CALCRL: variants seen among roughly 807,000 people sequenced by gnomAD.
CALCRL encodes the protein calcitonin gene-related peptide type 1 receptor.
Under a neutral mutation model 60.4 loss-of-function variants are expected in CALCRL, and 27 were observed. The ratio of observed to expected loss-of-function variants is 0.45; its 90% CI spans 0.33 to 0.62. The LOEUF (loss-of-function observed/expected upper bound fraction) is 0.62. CALCRL is among the 20% of genes least tolerant of loss of function. The pLI is 0.03. For synonymous variants in CALCRL, 190 were observed against 182.6 expected (o/e 1.04, Z -0.33); for missense variants, 424 against 540.7 (o/e 0.78, Z 2.14).
intron 1 of CALCRL, among the ~76,000 whole-genome samples, chr2:187,447,823 T>C (rs1691262447): frequency 6.6e-6 from 1 of 152,080 alleles, no homozygotes. Flanking sequence ...CTAAATTTAT[T>C]TTCTAGAATA....
chr2:187,382,521 T>C (rs1297273521), intron 5 of CALCRL, among the ~76,000 whole-genome samples: 1 of 152,198 alleles, frequency 6.6e-6, no homozygotes, highest in African/African-American at 2.4e-5. Context: ...GAGTTTTACA[T>C]TTGATATTTT....
At chr2:187,390,863 T>G (rs1353968802) in intron 1 of CALCRL, among the ~76,000 whole-genome samples, 1 of 152,126 alleles carries the variant, frequency 6.6e-6, no homozygotes, top group East Asian at 1.9e-4. Flanking sequence ...AAACACATAA[T>G]GGGCACCTGT....
chr2:187,417,640 T>C (rs553716522), intron 1 of CALCRL, among the ~76,000 whole-genome samples: 6 of 152,132 alleles, frequency 3.9e-5, no homozygotes, highest in Non-Finnish European at 8.8e-5. Context: ...GTAATATTTG[T>C]GGTAAAATAT....
chr2:187,351,910 A>G lies in CALCRL; in HGVS notation c.1170+10T>C, dbSNP rs1198936579. 2 of 1,523,556 alleles carry G rather than the reference A, an allele frequency of 1.3e-6. No individual in the cohort carries two copies. Among genetic ancestry groups the G allele is most frequent in the South Asian group, 1.2e-5 (1 of 86,872 alleles). The allele number at this position is 1,523,556 out of a possible 1,614,324, so 94.4% of individuals were successfully genotyped here. ...TAAAATAATAGAAGGAATAAAATCA[A>G]TTATCATACCTCTCCATTAAAGAAG... On this transcript the variant is annotated intron_variant, in intron 14 of 14. Coordinates refer to ENST00000392370, the MANE Select transcript of CALCRL (RefSeq NM_005795.6).
intron 1 of CALCRL, among the ~76,000 whole-genome samples, chr2:187,423,375 T>TA (rs1437828278): frequency 2.0e-5 from 3 of 151,788 alleles, no homozygotes; most frequent in Non-Finnish European, 4.4e-5. Flanking sequence ...TTTTTTTTTT[T>TA]ACCAACTGTA....
chr2:187,342,559 A>G lies in CALCRL; in HGVS notation c.*3625T>C, dbSNP rs1686128993. ...TAAACTAGCAATATTTTTAATCAAG[A>G]ATATTCTTTCTTTGAGATTAGTATA... On this transcript the variant is annotated 3_prime_UTR_variant, in exon 15 of 15. Transcript: ENST00000392370. 6.6e-6 allele frequency among the ~76,000 whole-genome samples: 1 copy of G among 151,620 alleles called. No homozygotes were observed. The highest frequency in any genetic ancestry group is 1.5e-5 in the Non-Finnish European group (1 of 67,636).
chr2:187,385,744 T>G (rs1688179107), intron 3 of CALCRL, 113 bp from the exon 4 acceptor site: 3 of 650,092 alleles, frequency 4.6e-6, no homozygotes, highest in Admixed American at 6.5e-5. Context: ...AATTTTACTT[T>G]AAAGATTTGA....
intron 1 of CALCRL, chr2:187,442,086 A>G (rs1042956028): frequency 9.6e-6 from 1 of 103,836 alleles, no homozygotes; most frequent in Non-Finnish European, 2.0e-5. Flanking sequence ...ATATATATAT[A>G]TATATATATA....
rs1437340737 is a variant in CALCRL at position 187,442,127 on chromosome 2, TACATACATACACACAC to T, written c.-293+5896_-293+5911del. 6 of 146,646 alleles carry T rather than the reference TACATACATACACACAC, an allele frequency of 4.1e-5. No homozygotes were observed. The East Asian group carries it at 1.2e-3, about 29-fold the overall frequency. The allele number at this position is 146,646 out of a possible 1,614,324, so 9.1% of individuals were successfully genotyped here. A position where few individuals can be genotyped will look rare whatever the true frequency, so the allele number is the denominator to read the frequency against. The stretch of plus-strand genomic sequence containing the variant: ...ATATACATACACACACATATACATA[TACATACATACACACAC>T]ACATACATACACACACATATATACG... On this transcript the variant is annotated intron_variant, in intron 1 of 14. Coordinates refer to ENST00000392370, the MANE Select transcript of CALCRL (RefSeq NM_005795.6).
chr2:187,343,481 G>A lies in CALCRL; in HGVS notation c.*2703C>T, dbSNP rs915614706. On this transcript the variant is annotated 3_prime_UTR_variant, in exon 15 of 15. Transcript: ENST00000392370. The stretch of plus-strand genomic sequence containing the variant: ...AGTTCACATTTAAAAAAAATTATAA[G>A]CAATAAATACAGCACTACAGCCACC... 1 of 151,618 alleles carries A rather than the reference G, an allele frequency of 6.6e-6. No homozygotes were observed. Among genetic ancestry groups the A allele is most frequent in the African/African-American group, 2.4e-5 (1 of 41,314 alleles). 9.4% of individuals were successfully genotyped at this position (151,618 alleles called of 1,614,324 possible).
intron 1 of CALCRL, chr2:187,431,491 C>G (rs940468020): frequency 1.3e-5 from 2 of 154,644 alleles, no homozygotes; most frequent in Non-Finnish European, 2.9e-5. Context: ...ATATATATTT[C>G]AAATGATACT....
intron 14 of CALCRL, among the ~76,000 whole-genome samples, chr2:187,351,002 T>TTACCAGCTTTCAAAA (rs1252549640): frequency 8.4e-5 from 3 of 35,910 alleles, no homozygotes; most frequent in African/African-American, 1.4e-4. Context: ...AAGAAATATG[T>TTACCAGCTTTCAAAA]TGGCTGGGCG....
intron 1 of CALCRL, among the ~76,000 whole-genome samples, chr2:187,422,717 TGTTGCTGATAACTTCTAAGAGACAA>T (rs1332659117): frequency 6.6e-6 from 1 of 151,884 alleles, no homozygotes; most frequent in Non-Finnish European, 1.5e-5. Context: ...AGCAACATTG[TGTTGCTGATAACTTCTAAGAGACAA>T]GATTAGGTTG....
chr2:187,404,529 A>G (rs1689032762), intron 1 of CALCRL, among the ~76,000 whole-genome samples: 1 of 151,490 alleles, frequency 6.6e-6, no homozygotes, highest in African/African-American at 2.4e-5. Context: ...AGAAAACACA[A>G]CCATAACATC....
chr2:187,378,915 C>T (rs765465403), intron 8 of CALCRL, 25 bp downstream of exon 8: 1 of 1,419,570 alleles, frequency 7.0e-7, no homozygotes, highest in Admixed American at 1.7e-5. Context: ...TAGTAATTTT[C>T]TTAAAATATT....
In CALCRL at chr2:187,387,658, A is replaced by T; in HGVS notation, c.-202+8T>A. The stretch of plus-strand genomic sequence containing the variant: ...TACCATGAGAAAATTTAATTTCCCA[A>T]TACTTACATGCACAATTGTCTCCAG... On this transcript the variant is annotated splice_region_variant and intron_variant, in intron 2 of 14. Transcript: ENST00000392370. 5.0e-6 allele frequency: 2 copies of T among 396,728 alleles called. No homozygotes were observed. The allele number at this position is 396,728 out of a possible 1,614,324, so 24.6% of individuals were successfully genotyped here.
intron 14 of CALCRL, among the ~76,000 whole-genome samples, chr2:187,351,446 C>T (rs1249074323): frequency 6.6e-6 from 1 of 151,730 alleles, no homozygotes; most frequent in Non-Finnish European, 1.5e-5. Flanking sequence ...AATTTCTTCC[C>T]TGTATAACCA....
intron 1 of CALCRL, among the ~76,000 whole-genome samples, chr2:187,402,369 CTAAT>C (rs762982778): frequency 9.4e-4 from 143 of 151,410 alleles, no homozygotes; most frequent in Admixed American, 9.2e-3. Flanking sequence ...TTTTATGTGT[CTAAT>C]TGATCAGCTG....
intron 8 of CALCRL, among the ~76,000 whole-genome samples, chr2:187,377,612 G>A (rs192101112): frequency 5.8e-4 from 88 of 152,178 alleles, no homozygotes; most frequent in African/African-American, 1.9e-3. Context: ...CAAGACTCTG[G>A]GAATGTAGCC....
Sources: gnomAD v4.1 joint callset for allele counts (sites outside exome capture counted in the v4.1 genomes callset) on GRCh38, gnomAD v4.1.1 for gene constraint, MANE v1.5 for transcripts, NCBI Gene and HGNC (gene_info 2026-07-23, HGNC 2026-07-21) for gene names.